Variants in NIPAL3 observed in about 807,000 individuals in gnomAD.
The protein encoded by NIPAL3 is NIPA-like protein 3.
NIPAL3 carries 41 observed loss-of-function variants against 47.2 expected under a neutral mutation model. The ratio of observed to expected loss-of-function variants is 0.87; its 90% CI spans 0.68 to 1.13. NIPAL3 has a LOEUF of 1.13. Ranked by LOEUF, NIPAL3 falls within the 50% of genes most tolerant of loss-of-function variation. NIPAL3 has a pLI of 0.00. For missense variants in NIPAL3, 449 were observed against 530.1 expected, an observed-to-expected ratio of 0.85 and a Z score of 1.50; for synonymous variants, 194 against 209.6, an observed-to-expected ratio of 0.93 and a Z score of 0.64.
At chr1:24,446,918 A>G (rs1002382277) in intron 5 of NIPAL3, among the ~76,000 whole-genome samples, 8 of 152,204 alleles carry the variant, frequency 5.3e-5, no homozygotes, top group African/African-American at 1.4e-4. Flanking sequence ...AGGTGATACT[A>G]AGGAGATTGC....
rs1557545671 is a variant in NIPAL3 at position 24,470,720 on chromosome 1, A to G, written c.*1535A>G. 6.6e-6 allele frequency: 1 copy of G among 152,246 alleles called. No homozygotes were observed. Among genetic ancestry groups the G allele is most frequent in the South Asian group, 2.1e-4 (1 of 4,832 alleles). The allele number at this position is 152,246 out of a possible 1,614,324, so 9.4% of individuals were successfully genotyped here. On this transcript the variant is annotated 3_prime_UTR_variant, in exon 12 of 12. Coordinates refer to ENST00000374399, the MANE Select transcript of NIPAL3 (RefSeq NM_020448.5). ...CCAGTGTGATAGATCACTTATCTTT[A>G]TGGATTGTGCTTAATACTGATTTAG...
At chr1:24,444,018 C>CT (rs10648122) in intron 4 of NIPAL3, among the ~76,000 whole-genome samples, 84,999 of 147,952 alleles carry the variant, frequency 0.57, 24,780 homozygotes, top group East Asian at 0.77. Context: ...TAACCAAATT[C>CT]TTTTTTTTTT....
At position 24,454,267 on chromosome 1, in the gene NIPAL3, G is replaced by A. The variant is rs1375256138; in HGVS notation, c.637+763G>A. 2 of 1,165,984 alleles carry A rather than the reference G, an allele frequency of 1.7e-6. No homozygotes were observed. Among genetic ancestry groups the A allele is most frequent in the African/African-American group, 1.6e-5 (1 of 61,132 alleles). 72.2% of individuals were successfully genotyped at this position (1,165,984 alleles called of 1,614,324 possible). A position where few individuals can be genotyped will look rare whatever the true frequency, so the allele number is the denominator to read the frequency against. ...TCCTGAGGAGAAGCAGACAGAGGCG[G>A]AGGAGCAGGCTGGTGTCAGGGCTGG... On this transcript the variant is annotated intron_variant, in intron 7 of 11. Coordinates refer to ENST00000374399, the MANE Select transcript of NIPAL3 (RefSeq NM_020448.5). The surrounding 1 kb of genome is among the most constrained non-coding windows in gnomAD (Gnocchi z 4.1).
rs186013791 is a variant in NIPAL3, at chr1:24,437,417, C to T, written c.94-2755C>T. 7.1e-4 allele frequency among the ~76,000 whole-genome samples: 108 copies of T among 152,210 alleles called. 1 individual carries two copies. The Middle Eastern group carries it at 0.01, about 14-fold the overall frequency. On this transcript the variant is annotated intron_variant, in intron 2 of 11. Transcript: ENST00000374399. ...CCTTTTTTGTCCACCAAAGCCATGGCTCTAAGGGGGAAGAAAAAACCTCGC... is the reference window on the plus strand; with the variant it reads ...CCTTTTTTGTCCACCAAAGCCATGGTTCTAAGGGGGAAGAAAAAACCTCGC...
chr1:24,449,617 T>C lies in NIPAL3; in HGVS notation c.531T>C (p.Leu177=), dbSNP rs1194750495. The C allele has an allele frequency of 6.2e-7, 1 of 1,613,208 alleles. No individual in the cohort carries two copies. The highest frequency in any genetic ancestry group is 8.5e-7 in the Non-Finnish European group (1 of 1,179,910). The part of the protein sequence containing the change: ...VTRHLVSWPF[L]LYMLVEIILF... ...GGCACCTCGTGAGCTGGCCTTTCCT[T>C]TTGTACATGGTAAGAGAAGCCTCCA... Residue 177 remains leucine, a synonymous_variant, in exon 6 of 12, where the codon CTT becomes CTC. Coordinates refer to ENST00000374399, the MANE Select transcript of NIPAL3 (RefSeq NM_020448.5). The surrounding 1 kb of genome is among the most constrained non-coding windows in gnomAD (Gnocchi z 4.5).
At chr1:24,453,346 G>T in intron 6 of NIPAL3, 62 bp from the exon 7 acceptor site, 2 of 1,177,020 alleles carry the variant, frequency 1.7e-6, no homozygotes, top group Non-Finnish European at 1.3e-6. Flanking sequence ...GCCCACCAGG[G>T]TCTCCCGGTC....
intron 10 of NIPAL3, among the ~76,000 whole-genome samples, chr1:24,461,561 A>G (rs1331656665): frequency 6.7e-6 from 1 of 150,244 alleles, no homozygotes; most frequent in Non-Finnish European, 1.5e-5. Context: ...AAAAAAAATC[A>G]CAAACTTTTA....
At chr1:24,428,238 G>A (rs1158006834) in intron 2 of NIPAL3, among the ~76,000 whole-genome samples, 3 of 135,572 alleles carry the variant, frequency 2.2e-5, no homozygotes, top group African/African-American at 8.2e-5. Context: ...CTGACAGAGC[G>A]AGACCCTGTC....
intron 8 of NIPAL3, chr1:24,457,782 C>T (rs770749884): frequency 1.9e-6 from 1 of 533,294 alleles, no homozygotes; most frequent in Non-Finnish European, 3.8e-6. Context: ...ACAGTCCCTA[C>T]CTAAGAGAAT....
intron 2 of NIPAL3, among the ~76,000 whole-genome samples, chr1:24,420,568 A>C (rs1644282434): frequency 6.6e-6 from 1 of 152,178 alleles, no homozygotes; most frequent in Admixed American, 6.5e-5. Context: ...ACTTGGAGAT[A>C]ATTTTCATTC....
At chr1:24,418,394 G>A (rs1644157804) in intron 1 of NIPAL3, among the ~76,000 whole-genome samples, 1 of 152,160 alleles carries the variant, frequency 6.6e-6, no homozygotes, top group South Asian at 2.1e-4. Context: ...ACTTTGGGAG[G>A]CTGAGGCAAG....
chr1:24,440,352 T>TGCAGCCCA, intron 3 of NIPAL3, 112 bp downstream of exon 3: 2 of 723,498 alleles, frequency 2.8e-6, no homozygotes, highest in Non-Finnish European at 2.1e-6. Flanking sequence ...ACTGCATCCC[T>TGCAGCCCA]GGGCTGCACC....
At chr1:24,453,321 T>C in intron 6 of NIPAL3, 87 bp from the exon 7 acceptor site, 1 of 835,820 alleles carries the variant, frequency 1.2e-6, no homozygotes. Flanking sequence ...ACCCTGTGAC[T>C]CTGGTGATGG....
intron 5 of NIPAL3, among the ~76,000 whole-genome samples, chr1:24,446,219 T>C (rs1645657537): frequency 1.3e-5 from 2 of 152,124 alleles, no homozygotes; most frequent in Non-Finnish European, 2.9e-5. Flanking sequence ...ATGGGAACAC[T>C]TTCCTAGACT....
chr1:24,415,662 G>A (rs187400924), upstream of NIPAL3: 19 of 170,112 alleles, frequency 1.1e-4, no homozygotes, highest in East Asian at 2.9e-3. Flanking sequence ...GCAGCCAATT[G>A]CCAGGGGCTG....
chr1:24,417,338 T>C (rs933592213), intron 1 of NIPAL3, among the ~76,000 whole-genome samples: 1 of 152,202 alleles, frequency 6.6e-6, no homozygotes, highest in Admixed American at 6.5e-5. Flanking sequence ...CCATGACTGC[T>C]TCATGGTTGA....
chr1:24,437,832 G>A (rs1210014749), intron 2 of NIPAL3, among the ~76,000 whole-genome samples: 2 of 152,184 alleles, frequency 1.3e-5, no homozygotes, highest in Non-Finnish European at 2.9e-5. Flanking sequence ...TGTCCAATGG[G>A]GAGGGGGCGG....
At position 24,470,450 on chromosome 1, in the gene NIPAL3, C is replaced by T. The variant is rs962357682; in HGVS notation, c.*1265C>T. On this transcript the variant is annotated 3_prime_UTR_variant, in exon 12 of 12. Transcript: ENST00000374399. ...TTCTTAACTGGTACCACCAGTGATT[C>T]TGATGCGATGCTTCAATCCCGAGAT... The T allele has an allele frequency of 6.6e-6, 1 of 152,190 alleles. No homozygotes were observed. The highest frequency in any genetic ancestry group is 1.5e-5 in the Non-Finnish European group (1 of 68,040). The allele number at this position is 152,190 out of a possible 1,614,324, so 9.4% of individuals were successfully genotyped here.
chr1:24,462,680 T>C (rs529399682), intron 10 of NIPAL3, among the ~76,000 whole-genome samples: 51 of 152,208 alleles, frequency 3.4e-4, no homozygotes, highest in African/African-American at 1.2e-3. Context: ...GGCAGTATAA[T>C]GGATTGAACC....
Sources: gnomAD v4.1 joint callset for allele counts (sites outside exome capture counted in the v4.1 genomes callset) on GRCh38, gnomAD v4.1.1 for gene constraint, Gnocchi (gnomAD v3.1) non-coding constraint, MANE v1.5 for transcripts, NCBI Gene and HGNC (gene_info 2026-07-23, HGNC 2026-07-21) for gene names.